KLHL18: variants seen among roughly 807,000 people sequenced by gnomAD.
KLHL18 encodes the protein kelch like family member 18.
KLHL18 carries 38 observed loss-of-function variants against 58.5 expected under a neutral mutation model. That is an observed-to-expected ratio of 0.65 (90% confidence interval 0.50 to 0.85). KLHL18 has a LOEUF of 0.85. KLHL18 is among the 40% of genes least tolerant of loss of function. The probability of loss-of-function intolerance (pLI) is 0.00; values close to 1 mark genes in which losing one functional copy is unlikely to be tolerated. For synonymous variants in KLHL18, 303 were observed against 301.9 expected, an observed-to-expected ratio of 1.00 and a Z score of -0.04; for missense variants, 624 against 778.4, an observed-to-expected ratio of 0.80 and a Z score of 2.36.
intron 7 of KLHL18, 49 bp from the exon 8 acceptor site, chr3:47,340,523 C>T (rs773085499): frequency 1.9e-6 from 3 of 1,611,640 alleles, no homozygotes; most frequent in Non-Finnish European, 2.5e-6. Flanking sequence ...AGAGAGGCTG[C>T]TCCAGGAAGG....
At chr3:47,290,802 A>C (rs1263799952) in intron 1 of KLHL18, among the ~76,000 whole-genome samples, 2 of 152,228 alleles carry the variant, frequency 1.3e-5, no homozygotes, top group African/African-American at 4.8e-5. Flanking sequence ...AACTGAGAGG[A>C]AGAACATGCT....
At chr3:47,332,711 A>G (rs1703892960) in intron 4 of KLHL18, among the ~76,000 whole-genome samples, 1 of 152,020 alleles carries the variant, frequency 6.6e-6, no homozygotes, top group East Asian at 1.9e-4. Flanking sequence ...CTTGGAGAAC[A>G]TGGATCTAGA....
At chr3:47,295,926 A>G (rs1336974441) in intron 1 of KLHL18, among the ~76,000 whole-genome samples, 1 of 152,042 alleles carries the variant, frequency 6.6e-6, no homozygotes, top group Non-Finnish European at 1.5e-5. Flanking sequence ...GCTCTGTCCT[A>G]TCACAGTGGG....
intron 1 of KLHL18, among the ~76,000 whole-genome samples, chr3:47,300,730 C>G (rs991333411): frequency 2.7e-5 from 4 of 149,654 alleles, no homozygotes; most frequent in Non-Finnish European, 4.4e-5. Flanking sequence ...ACCTCCGCCT[C>G]CCAGGTTCAA....
intron 1 of KLHL18, among the ~76,000 whole-genome samples, chr3:47,294,732 A>G (rs1384732879): frequency 6.6e-6 from 1 of 152,228 alleles, no homozygotes; most frequent in Non-Finnish European, 1.5e-5. Flanking sequence ...ATCAATAATT[A>G]TGTATTTATG....
At chr3:47,340,710 C>T (rs1161036926) in intron 8 of KLHL18, 34 bp downstream of exon 8, 1 of 1,610,812 alleles carries the variant, frequency 6.2e-7, no homozygotes, top group African/African-American at 1.3e-5. Flanking sequence ...GCAACTGGAG[C>T]TTATAAACAG....
At chr3:47,297,548 G>T (rs1397647854) in intron 1 of KLHL18, 1 of 456,450 alleles carries the variant, frequency 2.2e-6, no homozygotes, top group Non-Finnish European at 4.4e-6. Context: ...TTTTTCTTGA[G>T]CTTTTTACTT....
At position 47,334,524 on chromosome 3, in the gene KLHL18, T is replaced by C. The variant is rs577034604; in HGVS notation, c.762-159T>C. ...ATATCTCAGTAGCCATGTATGATTT[T>C]CCCAGAACTCACCTGGTTTCTTTGA... On this transcript the variant is annotated intron_variant, in intron 5 of 9. Transcript: ENST00000232766. This position sits in a 1 kb window ranked among gnomAD's most constrained non-coding sequence, Gnocchi z 4.7. 2.0e-5 allele frequency among the ~76,000 whole-genome samples: 3 copies of C among 152,314 alleles called. No individual in the cohort carries two copies. The East Asian group carries it at 5.8e-4, about 29-fold the overall frequency.
chr3:47,301,951 A>G (rs1703034836), intron 1 of KLHL18, among the ~76,000 whole-genome samples: 1 of 152,008 alleles, frequency 6.6e-6, no homozygotes, highest in Admixed American at 6.6e-5. Context: ...GCACACTACC[A>G]CTACCATGCC....
intron 4 of KLHL18, among the ~76,000 whole-genome samples, chr3:47,332,473 G>T (rs58160848): frequency 1.3e-5 from 2 of 152,146 alleles, no homozygotes; most frequent in African/African-American, 4.8e-5. Flanking sequence ...AAGCGGGCTT[G>T]ATAGGAGCCT....
intron 1 of KLHL18, among the ~76,000 whole-genome samples, chr3:47,304,500 A>G (rs1293668450): frequency 6.6e-6 from 1 of 152,156 alleles, no homozygotes; most frequent in Admixed American, 6.6e-5. Flanking sequence ...AAGACACACA[A>G]GTCCTGTACA....
rs1704171269 is a variant in KLHL18 at position 47,343,954 on chromosome 3, G to C, written c.*13G>C. 1 of 1,611,144 alleles carries C rather than the reference G, an allele frequency of 6.2e-7. No homozygotes were observed. Among genetic ancestry groups the C allele is most frequent in the African/African-American group, 1.3e-5 (1 of 74,882 alleles). ...CCTCACCATCTAAGGCAGAGGATGG[G>C]ATGTGGTGGGGCAGGGATCTGGTAC... On this transcript the variant is annotated 3_prime_UTR_variant, in exon 10 of 10. Coordinates refer to ENST00000232766, the MANE Select transcript of KLHL18 (RefSeq NM_025010.5).
chr3:47,328,943 A>G (rs1392738070), intron 3 of KLHL18, among the ~76,000 whole-genome samples: 1 of 151,960 alleles, frequency 6.6e-6, no homozygotes, highest in Non-Finnish European at 1.5e-5. Context: ...CTGCCTGGAC[A>G]ACATGGTGAA....
At chr3:47,287,288 C>T (rs902953749) in intron 1 of KLHL18, 15 of 152,190 alleles carry the variant, frequency 9.9e-5, no homozygotes, top group Admixed American at 8.5e-4. Context: ...ACACTGCCTA[C>T]GTTTGAGTTC....
At chr3:47,286,926 A>G (rs190394267) in intron 1 of KLHL18, among the ~76,000 whole-genome samples, 37 of 152,188 alleles carry the variant, frequency 2.4e-4, no homozygotes, top group Non-Finnish European at 1.0e-4. Context: ...GCTCTTGTTC[A>G]TCCTGTCTGA....
chr3:47,299,364 A>C (rs1702963487), intron 1 of KLHL18, among the ~76,000 whole-genome samples: 1 of 147,376 alleles, frequency 6.8e-6, no homozygotes, highest in East Asian at 2.0e-4. Flanking sequence ...TCTGAAACCA[A>C]CTTGGGCAAC....
Position 47,336,621 on chromosome 3 carries a change from G to A in KLHL18, c.985G>A (p.Val329Ile), listed in dbSNP as rs149811108. Residue 329 changes from valine to isoleucine, a missense_variant, in exon 7 of 10, where the codon GTT becomes ATT. Transcript: ENST00000232766. Reference protein sequence around the residue: ...CRPMTTARSRVGVAVVNGLLY... With the variant: ...CRPMTTARSRIGVAVVNGLLY... Reference sequence around the variant, plus strand: ...TCCCATGACAACAGCCCGCAGCCGCGTTGGCGTGGCTGTGGTGAACGGGCT... The same window carrying A: ...TCCCATGACAACAGCCCGCAGCCGCATTGGCGTGGCTGTGGTGAACGGGCT... 5.0e-5 allele frequency: 80 copies of A among 1,614,114 alleles called. No individual in the cohort carries two copies. The highest frequency in any genetic ancestry group is 6.4e-5 in the Non-Finnish European group (76 of 1,180,054).
intron 1 of KLHL18, among the ~76,000 whole-genome samples, chr3:47,307,233 G>C (rs1234099544): frequency 6.6e-6 from 1 of 152,018 alleles, no homozygotes; most frequent in Non-Finnish European, 1.5e-5. Context: ...CACCACACGT[G>C]GCTAATTTTT....
chr3:47,300,637 CTTT>C (rs10687949), intron 1 of KLHL18, among the ~76,000 whole-genome samples: 2 of 76,922 alleles, frequency 2.6e-5, no homozygotes, highest in East Asian at 4.5e-4. Flanking sequence ...CATTGTGATT[CTTT>C]TTTTTTTTTT....
Sources: allele counts gnomAD v4.1 joint callset (sites outside exome capture counted in the v4.1 genomes callset), GRCh38; gene constraint gnomAD v4.1.1; non-coding constraint Gnocchi (gnomAD v3.1); transcripts MANE v1.5; gene names NCBI Gene and HGNC (gene_info 2026-07-23, HGNC 2026-07-21).